Variants in UNC13C observed in about 807,000 individuals in gnomAD.
UNC13C encodes the protein protein unc-13 homolog C.
A neutral mutation model predicts 245.4 loss-of-function variants in UNC13C; 174 were observed. The ratio of observed to expected loss-of-function variants is 0.71; its 90% confidence interval spans 0.63 to 0.80. The LOEUF (loss-of-function observed/expected upper bound fraction) is 0.80, where lower values mean the gene tolerates loss of function less well. Among genes scored for constraint, UNC13C ranks in the 30% least tolerant of loss-of-function variants. The pLI, the probability that UNC13C is intolerant of heterozygous loss-of-function variation, is 0.00. For missense variants in UNC13C, 2,829 were observed against 2,602.9 expected (o/e 1.09, Z -1.89); for synonymous variants, 992 against 895.1 (o/e 1.11, Z -1.93).
At chr15:54,537,890 G>T (rs1339542296) in intron 26 of UNC13C, among the ~76,000 whole-genome samples, 1 of 151,584 alleles carries the variant, frequency 6.6e-6, no homozygotes, top group Non-Finnish European at 1.5e-5. Context: ...AACCCTAGAA[G>T]AAACCTAGGA....
At chr15:54,393,555 TTAA>T (rs1180478444) in intron 18 of UNC13C, among the ~76,000 whole-genome samples, 2 of 151,912 alleles carry the variant, frequency 1.3e-5, no homozygotes, top group African/African-American at 4.8e-5. Context: ...TTGTGGCTTT[TTAA>T]TAATAAAGAT....
At chr15:54,297,720 T>A in intron 11 of UNC13C, 91 bp from the exon 12 acceptor site, 1 of 935,706 alleles carries the variant, frequency 1.1e-6, no homozygotes, top group South Asian at 1.5e-5. Flanking sequence ...AAGCCGTTTT[T>A]TTGTTTTTTT....
intron 10 of UNC13C, among the ~76,000 whole-genome samples, chr15:54,270,248 A>G (rs1203642340): frequency 6.6e-6 from 1 of 152,208 alleles, no homozygotes; most frequent in African/African-American, 2.4e-5. Context: ...ATTTATGTTC[A>G]GACGTTGAAA....
intron 4 of UNC13C, among the ~76,000 whole-genome samples, chr15:54,165,281 A>T (rs1248970222): frequency 3.3e-5 from 5 of 152,214 alleles, no homozygotes; most frequent in Non-Finnish European, 7.4e-5. Flanking sequence ...TCACCTAAAG[A>T]TGTTAATAAT....
chr15:54,176,181 A>G lies in UNC13C; in HGVS notation c.3071+32497A>G, dbSNP rs545117073. Reference sequence around the variant, plus strand: ...AACATTCTTTTTAACCACAATCTTCAAGATCGTAGTTTTTTTTTTCTCTGC... The same window carrying G: ...AACATTCTTTTTAACCACAATCTTCGAGATCGTAGTTTTTTTTTTCTCTGC... On this transcript the variant is annotated intron_variant, in intron 4 of 32. Transcript: ENST00000260323. Among the ~76,000 whole-genome samples the G allele has an allele frequency of 1.9e-4, 16 of 83,988 alleles. No individual in the cohort carries two copies. In the East Asian group the frequency reaches 4.9e-3, roughly 26 times the overall value. The allele number at this position is 83,988 out of a possible 152,430, so 55.1% of individuals were successfully genotyped here.
chr15:54,021,204 ATTC>A (rs1895890984), intron 2 of UNC13C, among the ~76,000 whole-genome samples: 1 of 152,122 alleles, frequency 6.6e-6, no homozygotes, highest in Non-Finnish European at 1.5e-5. Context: ...TGACAAATCT[ATTC>A]TTTCAGTAAT....
intron 17 of UNC13C, among the ~76,000 whole-genome samples, chr15:54,339,372 G>T (rs1320589788): frequency 1.3e-5 from 2 of 152,002 alleles, no homozygotes; most frequent in Non-Finnish European, 2.9e-5. Context: ...CATCACCCAA[G>T]CAGTGTACAC....
intron 4 of UNC13C, among the ~76,000 whole-genome samples, chr15:54,182,972 A>C (rs72748222): frequency 0.19 from 28,340 of 151,972 alleles, 3,211 homozygotes; most frequent in Middle Eastern, 0.29. Context: ...CAGGAAGCTA[A>C]AGTACTAATT....
chr15:53,934,997 T>A, the UNC13C span, among the ~76,000 whole-genome samples: 1 of 152,196 alleles, frequency 6.6e-6, no homozygotes, highest in Non-Finnish European at 1.5e-5. Context: ...TAGCAGTATA[T>A]ATTCTCATAT....
At chr15:54,621,025 G>A (rs1900766222) in intron 30 of UNC13C, among the ~76,000 whole-genome samples, 2 of 152,102 alleles carry the variant, frequency 1.3e-5, no homozygotes, top group African/African-American at 4.8e-5. Context: ...TGTCCAAAGT[G>A]ACCACTTTCT....
At chr15:54,471,681 C>A (rs1892469392) in intron 19 of UNC13C, among the ~76,000 whole-genome samples, 1 of 151,202 alleles carries the variant, frequency 6.6e-6, no homozygotes, top group African/African-American at 2.4e-5. Flanking sequence ...TATGATCTAT[C>A]TTGGAAAATT....
At chr15:54,451,457 T>A (rs961283424) in intron 19 of UNC13C, among the ~76,000 whole-genome samples, 1 of 152,142 alleles carries the variant, frequency 6.6e-6, no homozygotes, top group Non-Finnish European at 1.5e-5. Flanking sequence ...GTAGGCTTTG[T>A]TTCAACTCTT....
At position 54,513,616 on chromosome 15, in the gene UNC13C, T is replaced by C. The variant is rs1206726435; in HGVS notation, c.5457+1786T>C. Among the ~76,000 whole-genome samples the C allele has an allele frequency of 2.6e-5, 4 of 152,292 alleles. No individual in the cohort carries two copies. In the East Asian group the frequency reaches 7.7e-4, roughly 29 times the overall value. ...ATAGATGACTAAACCATAGAACTCC[T>C]CCTCTTATTGAAGAACATAATGAAA... On this transcript the variant is annotated intron_variant, in intron 24 of 32. Transcript: ENST00000260323.
At chr15:54,274,044 T>C (rs192795384) in intron 10 of UNC13C, among the ~76,000 whole-genome samples, 2 of 152,236 alleles carry the variant, frequency 1.3e-5, no homozygotes, top group East Asian at 1.9e-4. Flanking sequence ...CTGAGGTAAA[T>C]ATGTAAGACA....
At chr15:54,269,726 G>A (rs920070510) in intron 10 of UNC13C, among the ~76,000 whole-genome samples, 1 of 152,032 alleles carries the variant, frequency 6.6e-6, no homozygotes, top group East Asian at 1.9e-4. Flanking sequence ...ACACCGGAAT[G>A]GACCATTAAA....
chr15:54,261,628 C>T (rs1009538857), intron 8 of UNC13C, among the ~76,000 whole-genome samples: 5 of 152,300 alleles, frequency 3.3e-5, no homozygotes, highest in South Asian at 2.1e-4. Flanking sequence ...CTGCAAGCTC[C>T]GCCTCCCAGA....
chr15:54,373,741 G>A (rs759068880), intron 17 of UNC13C, among the ~76,000 whole-genome samples: 6 of 152,154 alleles, frequency 3.9e-5, no homozygotes, highest in African/African-American at 7.2e-5. Flanking sequence ...CTTATTGCCC[G>A]CAACATGGTG....
intron 2 of UNC13C, among the ~76,000 whole-genome samples, chr15:54,034,370 C>G (rs1362180035): frequency 2.6e-5 from 4 of 152,212 alleles, no homozygotes; most frequent in African/African-American, 7.2e-5. Context: ...CTGTCTCTCT[C>G]TGGGGCCTTA....
chr15:54,344,249 A>C (rs2038806039), intron 17 of UNC13C, among the ~76,000 whole-genome samples: 1 of 152,214 alleles, frequency 6.6e-6, no homozygotes, highest in African/African-American at 2.4e-5. Flanking sequence ...ATGTCTTTCT[A>C]ATACATAAAT....
Sources: allele counts gnomAD v4.1 joint callset (sites outside exome capture counted in the v4.1 genomes callset), GRCh38; gene constraint gnomAD v4.1.1; transcripts MANE v1.5; gene names NCBI Gene and HGNC (gene_info 2026-07-23, HGNC 2026-07-21).